MEGF10: variants seen among roughly 807,000 people sequenced by gnomAD.
MEGF10 encodes the protein multiple EGF like domains 10.
In MEGF10, 86 loss-of-function variants were observed where a neutral mutation model predicts 147.5. The ratio of observed to expected loss-of-function variants is 0.58; its 90% CI spans 0.49 to 0.70. The LOEUF is 0.70. Among genes scored for constraint, MEGF10 ranks in the 30% least tolerant of loss-of-function variants. The pLI, the probability that MEGF10 is intolerant of heterozygous loss-of-function variation, is 0.00. For synonymous variants in MEGF10, 478 were observed against 525.5 expected, an observed-to-expected ratio of 0.91 and a Z score of 1.24; for missense variants, 1,329 against 1,487.3, an observed-to-expected ratio of 0.89 and a Z score of 1.75.
chr5:127,263,604 A>T, the MEGF10 span, among the ~76,000 whole-genome samples: 541 of 152,240 alleles, frequency 3.6e-3, 2 homozygotes, highest in African/African-American at 0.012. Flanking sequence ...GCATATTTCT[A>T]ATCTTCTATG....
chr5:127,365,144 G>A (rs1255592552), intron 4 of MEGF10, among the ~76,000 whole-genome samples: 1 of 152,018 alleles, frequency 6.6e-6, no homozygotes, highest in Non-Finnish European at 1.5e-5. Context: ...GTGACAGATA[G>A]GTTAGCTGGA....
intron 1 of MEGF10, among the ~76,000 whole-genome samples, chr5:127,318,863 G>A (rs1221992234): frequency 6.6e-6 from 1 of 151,992 alleles, no homozygotes; most frequent in Non-Finnish European, 1.5e-5. Flanking sequence ...ATATTTTTAC[G>A]GTACATAAGC....
intron 15 of MEGF10, 113 bp from the exon 16 acceptor site, chr5:127,435,248 C>T: frequency 1.6e-6 from 2 of 1,261,322 alleles, no homozygotes; most frequent in Non-Finnish European, 2.2e-6. Flanking sequence ...GCAGAGATAG[C>T]TACCAATGAG....
intron 4 of MEGF10, among the ~76,000 whole-genome samples, chr5:127,348,996 G>A (rs953691394): frequency 6.6e-6 from 1 of 151,990 alleles, no homozygotes; most frequent in Non-Finnish European, 1.5e-5. Flanking sequence ...TTTGAAAGGT[G>A]ACAAGAGCGA....
chr5:127,254,332 G>A, the MEGF10 span, among the ~76,000 whole-genome samples: 4 of 152,032 alleles, frequency 2.6e-5, no homozygotes, highest in Non-Finnish European at 5.9e-5. Context: ...TAAAATTATA[G>A]TGTCTATATA....
At chr5:127,371,808 T>A (rs933682554) in intron 5 of MEGF10, among the ~76,000 whole-genome samples, 24 of 152,210 alleles carry the variant, frequency 1.6e-4, no homozygotes, top group Non-Finnish European at 2.6e-4. Context: ...CACTGAAATA[T>A]GATATTGAAG....
chr5:127,257,867 T>C, the MEGF10 span, among the ~76,000 whole-genome samples: 16 of 152,350 alleles, frequency 1.1e-4, 1 homozygote, highest in Admixed American at 9.1e-4. Flanking sequence ...ATATTACTTA[T>C]ATATTTGAAA....
At chr5:127,330,561 AT>A (rs1455786440) in intron 1 of MEGF10, among the ~76,000 whole-genome samples, 3 of 152,014 alleles carry the variant, frequency 2.0e-5, no homozygotes, top group African/African-American at 4.8e-5. Context: ...CTTTAGGTTC[AT>A]TTTCTCTAAC....
intron 4 of MEGF10, among the ~76,000 whole-genome samples, chr5:127,344,733 A>C (rs924004672): frequency 2.0e-5 from 3 of 152,304 alleles, no homozygotes; most frequent in Middle Eastern, 3.4e-3. Flanking sequence ...AATTAGTAAA[A>C]ATCTCTTTTC....
intron 1 of MEGF10, among the ~76,000 whole-genome samples, chr5:127,294,462 T>C (rs560242499): frequency 2.7e-4 from 41 of 152,260 alleles, no homozygotes; most frequent in African/African-American, 9.6e-4. Context: ...GAAAAGCCAG[T>C]TGGGAATTTC....
At position 127,450,158 on chromosome 5, in the gene MEGF10, TC is replaced by T. The variant is rs558746671; in HGVS notation, c.2980+938del. The stretch of plus-strand genomic sequence containing the variant: ...ATACTTTATGTAGCTTCTGAAAAAC[TC>T]CACTGTACACTTGAAAGAGAATTAG... On this transcript the variant is annotated intron_variant, in intron 22 of 24. Transcript: ENST00000503335. Among the ~76,000 whole-genome samples the T allele has an allele frequency of 1.5e-3, 236 of 152,304 alleles. 1 individual carries two copies. The highest frequency in any genetic ancestry group is 5.4e-3 in the African/African-American group (224 of 41,536).
intron 22 of MEGF10, among the ~76,000 whole-genome samples, chr5:127,453,324 T>G (rs1187911114): frequency 6.6e-6 from 1 of 152,198 alleles, no homozygotes; most frequent in Non-Finnish European, 1.5e-5. Context: ...CCCAAAGTCC[T>G]GGGATTACAG....
chr5:127,327,817 C>A (rs1761099297), intron 1 of MEGF10, among the ~76,000 whole-genome samples: 1 of 151,126 alleles, frequency 6.6e-6, no homozygotes. Flanking sequence ...CAGGTTCAAG[C>A]AATTCTTCTG....
upstream of MEGF10, among the ~76,000 whole-genome samples, chr5:127,288,495 G>A (rs1268835528): frequency 6.6e-6 from 1 of 152,110 alleles, no homozygotes; most frequent in Non-Finnish European, 1.5e-5. Context: ...ATCTTTTATG[G>A]TCACCATCAT....
intron 5 of MEGF10, among the ~76,000 whole-genome samples, chr5:127,378,922 A>T (rs1183188060): frequency 6.6e-6 from 1 of 151,732 alleles, no homozygotes; most frequent in Non-Finnish European, 1.5e-5. Flanking sequence ...ATGAAATCAT[A>T]TCCAGTTTAT....
chr5:127,242,970 A>C, the MEGF10 span, among the ~76,000 whole-genome samples: 1 of 152,184 alleles, frequency 6.6e-6, no homozygotes, highest in Non-Finnish European at 1.5e-5. Flanking sequence ...ATGTTTATGG[A>C]CTGTACCATT....
intron 1 of MEGF10, among the ~76,000 whole-genome samples, chr5:127,312,121 C>T (rs1163433601): frequency 1.3e-5 from 2 of 152,164 alleles, no homozygotes; most frequent in Admixed American, 1.3e-4. Context: ...CACTGTGCCT[C>T]CTTTTCATGG....
At position 127,427,524 on chromosome 5, in the gene MEGF10, G is replaced by A. The variant is rs570979904; in HGVS notation, c.1693+4752G>A. On this transcript the variant is annotated intron_variant, in intron 13 of 24. Transcript: ENST00000503335. ...GAGCCCAGCCAGGAAGGGTGTAATC[G>A]GAAGGAGGATCACCTGTGGGCAAGT... Among the ~76,000 whole-genome samples the A allele has an allele frequency of 2.2e-3, 334 of 152,034 alleles. 4 individuals are homozygous for A. Among genetic ancestry groups the A allele is most frequent in the Admixed American group, 5.5e-3 (84 of 15,282 alleles).
At chr5:127,334,055 G>A (rs1761373977) in intron 2 of MEGF10, among the ~76,000 whole-genome samples, 1 of 152,022 alleles carries the variant, frequency 6.6e-6, no homozygotes, top group Admixed American at 6.6e-5. Context: ...CTAGAAGAAA[G>A]GTAAAAGAAA....
Sources: gnomAD v4.1 joint callset for allele counts (sites outside exome capture counted in the v4.1 genomes callset) on GRCh38, gnomAD v4.1.1 for gene constraint, MANE v1.5 for transcripts, NCBI Gene and HGNC (gene_info 2026-07-23, HGNC 2026-07-21) for gene names.